The following GABRB1 variants were observed in gnomAD, a reference collection of about 807,000 sequenced individuals.
GABRB1 encodes the protein gamma-aminobutyric acid receptor subunit beta-1.
In GABRB1, 17 loss-of-function variants were observed where a neutral mutation model predicts 51.6. That is an observed-to-expected ratio of 0.33 (90% CI 0.23 to 0.49). The LOEUF is 0.49. Among genes scored for constraint, GABRB1 ranks in the 20% least tolerant of loss-of-function variants. The pLI, the probability that GABRB1 is intolerant of heterozygous loss-of-function variation, is 0.99. For missense variants in GABRB1, 410 were observed against 600.6 expected, an observed-to-expected ratio of 0.68 and a Z score of 3.32; for synonymous variants, 247 against 218.9, an observed-to-expected ratio of 1.13 and a Z score of -1.14.
intron 4 of GABRB1, among the ~76,000 whole-genome samples, chr4:47,255,281 CATT>C (rs974728597): frequency 1.3e-5 from 2 of 152,200 alleles, no homozygotes; most frequent in Non-Finnish European, 2.9e-5. Flanking sequence ...AGTTATTCAT[CATT>C]GTCTGGCAAA....
chr4:47,201,691 A>G (rs972065428), intron 4 of GABRB1, among the ~76,000 whole-genome samples: 1 of 152,138 alleles, frequency 6.6e-6, no homozygotes, highest in African/African-American at 2.4e-5. Context: ...TTCATTACCA[A>G]TATTTTTAAA....
chr4:47,212,335 G>A (rs555342072), intron 4 of GABRB1, among the ~76,000 whole-genome samples: 12 of 152,136 alleles, frequency 7.9e-5, no homozygotes, highest in South Asian at 2.1e-4. Flanking sequence ...TCCAGGTGCC[G>A]AGCAAGGGAG....
intron 4 of GABRB1, among the ~76,000 whole-genome samples, chr4:47,176,966 T>C (rs1444611063): frequency 6.6e-6 from 1 of 152,134 alleles, no homozygotes; most frequent in African/African-American, 2.4e-5. Flanking sequence ...ATCAGATAGC[T>C]GGAAAATAAC....
chr4:47,162,719 G>C (rs1211807782), intron 4 of GABRB1, among the ~76,000 whole-genome samples: 1 of 152,004 alleles, frequency 6.6e-6, no homozygotes, highest in East Asian at 1.9e-4. Flanking sequence ...TCCCATGCCT[G>C]TGCTTTTCCC....
chr4:47,243,389 T>C (rs1356213455), intron 4 of GABRB1, among the ~76,000 whole-genome samples: 2 of 152,254 alleles, frequency 1.3e-5, no homozygotes, highest in Non-Finnish European at 2.9e-5. Context: ...TGGTTCCATA[T>C]GAACTTTAAA....
intron 3 of GABRB1, among the ~76,000 whole-genome samples, chr4:47,082,503 T>G (rs1727892662): frequency 6.6e-6 from 1 of 152,130 alleles, no homozygotes; most frequent in South Asian, 2.1e-4. Flanking sequence ...AACAACTTTC[T>G]CACTATGTCA....
chr4:47,319,551 G>A (rs13129278), intron 4 of GABRB1, among the ~76,000 whole-genome samples: 32,242 of 152,080 alleles, frequency 0.21, 4,368 homozygotes, highest in Middle Eastern at 0.39. Flanking sequence ...CTGGGTCATG[G>A]TGTATATTGT....
At chr4:47,049,971 C>A (rs1010532114) in intron 3 of GABRB1, among the ~76,000 whole-genome samples, 8 of 152,194 alleles carry the variant, frequency 5.3e-5, no homozygotes, top group African/African-American at 1.9e-4. Context: ...TATTACTACT[C>A]ACTCATATAG....
intron 3 of GABRB1, among the ~76,000 whole-genome samples, chr4:47,091,887 A>T (rs1728310423): frequency 6.6e-6 from 1 of 152,076 alleles, no homozygotes; most frequent in Non-Finnish European, 1.5e-5. Context: ...GTGTCTTCGT[A>T]CACACAATTG....
chr4:47,181,439 T>G (rs1302449667), intron 4 of GABRB1, among the ~76,000 whole-genome samples: 1 of 152,050 alleles, frequency 6.6e-6, no homozygotes, highest in Non-Finnish European at 1.5e-5. Flanking sequence ...GAAATGTTAA[T>G]TATATGTAAA....
At chr4:47,105,903 A>G (rs1298289308) in intron 3 of GABRB1, among the ~76,000 whole-genome samples, 1 of 152,106 alleles carries the variant, frequency 6.6e-6, no homozygotes, top group East Asian at 1.9e-4. Context: ...CAGTTCATTG[A>G]AAATTTTAGT....
At chr4:47,007,850 G>A (rs944843446) in intron 1 of GABRB1, among the ~76,000 whole-genome samples, 4 of 101,298 alleles carry the variant, frequency 3.9e-5, no homozygotes, top group African/African-American at 7.9e-5. Context: ...ATTAAAGGAC[G>A]TATACCTTGG....
At chr4:47,124,671 A>G (rs2882620) in intron 3 of GABRB1, among the ~76,000 whole-genome samples, 59,748 of 152,068 alleles carry the variant, frequency 0.39, 12,088 homozygotes, top group African/African-American at 0.46. Flanking sequence ...TAGAAATTGC[A>G]GAAAAGAACC....
intron 4 of GABRB1, among the ~76,000 whole-genome samples, chr4:47,217,241 A>T (rs185563485): frequency 6.6e-5 from 10 of 151,968 alleles, no homozygotes; most frequent in Admixed American, 6.6e-4. Flanking sequence ...GGGACTTTCA[A>T]CTGTATCTAT....
intron 5 of GABRB1, among the ~76,000 whole-genome samples, chr4:47,370,803 T>C (rs1727162491): frequency 6.6e-6 from 1 of 152,182 alleles, no homozygotes; most frequent in African/African-American, 2.4e-5. Flanking sequence ...GACACTGCCA[T>C]GCTGCTTACA....
chr4:47,239,432 T>C (rs1188769056), intron 4 of GABRB1, among the ~76,000 whole-genome samples: 1 of 152,202 alleles, frequency 6.6e-6, no homozygotes, highest in Non-Finnish European at 1.5e-5. Context: ...GTGAATGTCT[T>C]CTGGTAGGTG....
intron 4 of GABRB1, among the ~76,000 whole-genome samples, chr4:47,254,626 C>T (rs1245174050): frequency 6.6e-6 from 1 of 151,836 alleles, no homozygotes; most frequent in African/African-American, 2.4e-5. Context: ...TTTGCCTTGG[C>T]CTCTCAAAGT....
At chr4:47,364,521 A>G (rs1389400258) in intron 5 of GABRB1, among the ~76,000 whole-genome samples, 1 of 151,950 alleles carries the variant, frequency 6.6e-6, no homozygotes, top group Non-Finnish European at 1.5e-5. Flanking sequence ...AAAGGAAAAG[A>G]TAAGAAAATA....
intron 4 of GABRB1, among the ~76,000 whole-genome samples, chr4:47,231,557 A>G (rs182284165): frequency 2.0e-5 from 3 of 152,226 alleles, no homozygotes; most frequent in African/African-American, 7.2e-5. Flanking sequence ...AGGAATTATT[A>G]TATGGTGCTT....
Sources: gnomAD v4.1 joint callset for allele counts (sites outside exome capture counted in the v4.1 genomes callset) on GRCh38, gnomAD v4.1.1 for gene constraint, MANE v1.5 for transcripts, NCBI Gene and HGNC (gene_info 2026-07-23, HGNC 2026-07-21) for gene names.